GPHN: variants seen among roughly 807,000 people sequenced by gnomAD.
GPHN encodes gephyrin.
GPHN carries 17 observed loss-of-function variants against 95.5 expected under a neutral mutation model. That is an observed-to-expected ratio of 0.18 (90% CI 0.12 to 0.27). The LOEUF (loss-of-function observed/expected upper bound fraction) is 0.27. Ranked by LOEUF, GPHN falls within the 10% of genes least tolerant of loss-of-function variation. The pLI is 1.00. For missense variants in GPHN, 660 were observed against 978.1 expected, an observed-to-expected ratio of 0.67 and a Z score of 4.34; for synonymous variants, 320 against 322.5, an observed-to-expected ratio of 0.99 and a Z score of 0.08.
chr14:67,070,621 G>A (rs1435556759), intron 11 of GPHN, among the ~76,000 whole-genome samples: 4 of 146,556 alleles, frequency 2.7e-5, no homozygotes, highest in Non-Finnish European at 4.5e-5. Flanking sequence ...GTTTGAACCC[G>A]GGAGGTGGAG....
intron 18 of GPHN, among the ~76,000 whole-genome samples, chr14:67,153,595 T>C (rs1025133109): frequency 6.6e-6 from 1 of 152,186 alleles, no homozygotes; most frequent in African/African-American, 2.4e-5. Context: ...GAGGGACATA[T>C]TCAGTCCATT....
chr14:67,060,904 A>G (rs745874591), intron 11 of GPHN, among the ~76,000 whole-genome samples: 3 of 152,226 alleles, frequency 2.0e-5, no homozygotes, highest in Non-Finnish European at 4.4e-5. Flanking sequence ...TAAATGTATT[A>G]TGTATCTGCT....
the GPHN span, among the ~76,000 whole-genome samples, chr14:67,508,872 GA>G: frequency 6.6e-6 from 1 of 151,564 alleles, no homozygotes; most frequent in Non-Finnish European, 1.5e-5. Flanking sequence ...TATTTTCTCA[GA>G]AGAACAGAAT....
At chr14:67,699,870 G>A in the GPHN span, among the ~76,000 whole-genome samples, 8 of 152,170 alleles carry the variant, frequency 5.3e-5, no homozygotes, top group Non-Finnish European at 1.0e-4. Context: ...GGCTGGGCGC[G>A]GTGGCTCACG....
At chr14:66,726,085 AAC>A (rs1187359597) in intron 2 of GPHN, among the ~76,000 whole-genome samples, 1 of 152,232 alleles carries the variant, frequency 6.6e-6, no homozygotes, top group African/African-American at 2.4e-5. Context: ...AGCTACTGCT[AAC>A]ACATTTTAAA....
intron 1 of GPHN, among the ~76,000 whole-genome samples, chr14:66,549,212 T>C (rs2059724539): frequency 6.6e-5 from 10 of 152,176 alleles, no homozygotes; most frequent in Admixed American, 6.5e-4. Flanking sequence ...ATTCATTATA[T>C]TGGTAAGTTG....
intron 6 of GPHN, among the ~76,000 whole-genome samples, chr14:66,917,065 CT>C (rs111303533): frequency 0.015 from 2,305 of 152,274 alleles, 33 homozygotes; most frequent in Non-Finnish European, 0.018. Context: ...AATTTCTCAC[CT>C]TTAATCTACC....
At chr14:67,087,457 ACC>A (rs34552594) in intron 11 of GPHN, among the ~76,000 whole-genome samples, 36,351 of 151,868 alleles carry the variant, frequency 0.24, 8,652 homozygotes, top group African/African-American at 0.58. Context: ...TACAAACTAG[ACC>A]CTATGGTCCC....
chr14:67,361,519 G>T, the GPHN span, among the ~76,000 whole-genome samples: 1 of 152,182 alleles, frequency 6.6e-6, no homozygotes, highest in African/African-American at 2.4e-5. Context: ...ATACGTGTTA[G>T]ATCCAAATTA....
chr14:66,696,752 C>A (rs1423452998), intron 2 of GPHN, among the ~76,000 whole-genome samples: 1 of 152,168 alleles, frequency 6.6e-6, no homozygotes, highest in Non-Finnish European at 1.5e-5. Context: ...GGTCTCAGAA[C>A]CTCTGGTATT....
At chr14:66,819,958 G>A (rs1195318372) in intron 3 of GPHN, among the ~76,000 whole-genome samples, 1 of 151,962 alleles carries the variant, frequency 6.6e-6, no homozygotes, top group Non-Finnish European at 1.5e-5. Flanking sequence ...AGAAGAAAAG[G>A]GAACTGAGTA....
the GPHN span, among the ~76,000 whole-genome samples, chr14:67,479,921 T>A: frequency 2.6e-5 from 4 of 152,120 alleles, no homozygotes; most frequent in Non-Finnish European, 5.9e-5. Context: ...CTGGTTAAGT[T>A]CAGGGACCCC....
intron 8 of GPHN, among the ~76,000 whole-genome samples, chr14:66,964,430 T>C (rs970742210): frequency 6.6e-6 from 1 of 152,082 alleles, no homozygotes; most frequent in African/African-American, 2.4e-5. Context: ...AAATAGGTAA[T>C]TGAGGAGAGT....
At chr14:66,788,872 A>G (rs2059877099) in intron 3 of GPHN, among the ~76,000 whole-genome samples, 1 of 152,054 alleles carries the variant, frequency 6.6e-6, no homozygotes, top group Non-Finnish European at 1.5e-5. Context: ...TTTAGTAAAG[A>G]TGGGGTTTCG....
At chr14:67,413,965 A>G in the GPHN span, among the ~76,000 whole-genome samples, 2 of 152,230 alleles carry the variant, frequency 1.3e-5, no homozygotes, top group African/African-American at 4.8e-5. Context: ...GGGCATTGCA[A>G]ATACTCTTGC....
the GPHN span, among the ~76,000 whole-genome samples, chr14:67,602,381 A>C: frequency 6.6e-6 from 1 of 152,234 alleles, no homozygotes; most frequent in Non-Finnish European, 1.5e-5. Flanking sequence ...TGGAGATTAC[A>C]ATTTGACATG....
chr14:66,924,806 A>C (rs1165994330), intron 8 of GPHN, among the ~76,000 whole-genome samples: 1 of 152,090 alleles, frequency 6.6e-6, no homozygotes, highest in Non-Finnish European at 1.5e-5. Context: ...GTGATTCCTC[A>C]TCATAAGTAA....
the GPHN span, chr14:67,333,966 A>G: frequency 6.6e-6 from 1 of 152,624 alleles, no homozygotes; most frequent in East Asian, 1.9e-4. Context: ...GTTGATGAAT[A>G]TAGCTGCTGT....
chr14:66,794,562 T>G (rs2060092268), intron 3 of GPHN, among the ~76,000 whole-genome samples: 1 of 152,212 alleles, frequency 6.6e-6, no homozygotes, highest in Non-Finnish European at 1.5e-5. Flanking sequence ...TCTTTATCAG[T>G]TTGCATACTT....
Sources: gnomAD v4.1 joint callset for allele counts (sites outside exome capture counted in the v4.1 genomes callset) on GRCh38, gnomAD v4.1.1 for gene constraint, MANE v1.5 for transcripts, NCBI Gene and HGNC (gene_info 2026-07-23, HGNC 2026-07-21) for gene names.